WFDC1: variants seen among roughly 807,000 people sequenced by gnomAD.
WFDC1 encodes the protein WAP four-disulfide core domain protein 1.
WFDC1 carries 39 observed loss-of-function variants against 32.9 expected under a neutral mutation model. The observed-to-expected ratio is 1.19, with a 90% CI of 0.92 to 1.55. The LOEUF (loss-of-function observed/expected upper bound fraction) is 1.55, where lower values mean the gene tolerates loss of function less well. Among genes scored for constraint, WFDC1 ranks in the 40% most tolerant of loss-of-function variants. WFDC1 has a pLI of 0.00. For missense variants in WFDC1, 386 were observed against 309.5 expected (o/e 1.25, Z -1.85); for synonymous variants, 184 against 137.4 (o/e 1.34, Z -2.37).
chr16:84,302,370 A>G (rs1340908754), intron 1 of WFDC1, among the ~76,000 whole-genome samples: 9 of 152,114 alleles, frequency 5.9e-5, no homozygotes, highest in African/African-American at 1.4e-4. Context: ...TGCATGTTAT[A>G]TATATTTTAC....
rs1416510287 is a variant in WFDC1 at position 84,319,609 on chromosome 16, C to A, written c.562+38C>A. On this transcript the variant is annotated intron_variant, in intron 4 of 6. Coordinates refer to ENST00000219454, the MANE Select transcript of WFDC1 (RefSeq NM_021197.4). ...CCCCAGCCCTGATCCTGGCTCCTGC[C>A]CCAGTCCCCTTCTCCCTGTAAGCGC... 3.7e-6 allele frequency: 6 copies of A among 1,603,322 alleles called. No homozygotes were observed. In the African/African-American group the frequency reaches 6.7e-5, roughly 18 times the overall value.
chr16:84,299,581 C>G (rs1418287322), intron 1 of WFDC1, among the ~76,000 whole-genome samples: 1 of 152,242 alleles, frequency 6.6e-6, no homozygotes, highest in Non-Finnish European at 1.5e-5. Context: ...AGCGCTTACA[C>G]TGTGTCAGGG....
At chr16:84,322,643 C>T (rs112433810) in intron 4 of WFDC1, among the ~76,000 whole-genome samples, 93 of 152,300 alleles carry the variant, frequency 6.1e-4, no homozygotes, top group Admixed American at 1.0e-3. Flanking sequence ...GCCATCCTCC[C>T]GTAAGAGAGG....
chr16:84,308,868 C>T (rs1016841023), intron 1 of WFDC1, among the ~76,000 whole-genome samples: 17 of 146,820 alleles, frequency 1.2e-4, no homozygotes, highest in South Asian at 6.3e-4. Flanking sequence ...TGGGTGTAGA[C>T]GCCAGCCTGG....
At position 84,313,063 on chromosome 16, in the gene WFDC1, T is replaced by A; in HGVS notation, c.247T>A (p.Cys83Ser). The change falls in exon 2 of 7, where the codon TGT (cysteine) becomes AGT (serine). Residue 83 changes from cysteine (C) to serine (S), a missense_variant. Coordinates refer to ENST00000219454, the MANE Select transcript of WFDC1 (RefSeq NM_021197.4). Reference protein sequence around the residue: ...LPPGACQAARCQADSECPRHR... With the variant: ...LPPGACQAARSQADSECPRHR... ...CCCCGGCGCCTGCCAGGCCGCGCGC[T>A]GTCAGGCGGACTCCGAGTGCCCGCG... 6 of 1,403,748 alleles carry A rather than the reference T, an allele frequency of 4.3e-6. No homozygotes were observed. Among genetic ancestry groups the A allele is most frequent in the Non-Finnish European group, 5.5e-6 (6 of 1,081,426 alleles). The allele number at this position is 1,403,748 out of a possible 1,614,324, so 87.0% of individuals were successfully genotyped here.
intron 2 of WFDC1, among the ~76,000 whole-genome samples, chr16:84,315,466 T>A (rs1907894032): frequency 6.6e-6 from 1 of 152,202 alleles, no homozygotes; most frequent in Non-Finnish European, 1.5e-5. Context: ...CATATAATAC[T>A]CAATAAATAT....
intron 4 of WFDC1, among the ~76,000 whole-genome samples, chr16:84,320,246 C>T (rs544271438): frequency 2.2e-4 from 34 of 152,316 alleles, no homozygotes; most frequent in Middle Eastern, 3.4e-3. Context: ...TTAAGGTAGG[C>T]TCGGCTAAGG....
intron 2 of WFDC1, among the ~76,000 whole-genome samples, chr16:84,313,631 C>G (rs565886279): frequency 1.1e-3 from 173 of 152,250 alleles, no homozygotes; most frequent in Non-Finnish European, 2.1e-3. Flanking sequence ...TGTCCTCTAG[C>G]TTCCCACTCA....
chr16:84,314,799 T>C (rs571710008), intron 2 of WFDC1, among the ~76,000 whole-genome samples: 4 of 152,308 alleles, frequency 2.6e-5, no homozygotes, highest in East Asian at 3.9e-4. Context: ...GGTGGACTTA[T>C]CAAAAATGGT....
intron 2 of WFDC1, 21 bp from the exon 3 acceptor site, chr16:84,318,251 T>A: frequency 6.2e-7 from 1 of 1,613,750 alleles, no homozygotes; most frequent in South Asian, 1.1e-5. Flanking sequence ...AGGGCCCTGA[T>A]CTGACCCCGT....
In WFDC1 at chr16:84,307,607, G is replaced by C. The variant is rs562681661; in HGVS notation, c.145-5354G>C. On this transcript the variant is annotated intron_variant, in intron 1 of 6. Coordinates refer to ENST00000219454, the MANE Select transcript of WFDC1 (RefSeq NM_021197.4). ...AGTCCCAGGACTGGGAGGCATTTGT[G>C]GTGGGTGAAAAGTGTTTTGCTTCTG... 2.0e-4 allele frequency among the ~76,000 whole-genome samples: 30 copies of C among 152,280 alleles called. 1 individual carries two copies. The highest frequency in any genetic ancestry group is 7.0e-4 in the African/African-American group (29 of 41,566).
At chr16:84,316,925 C>G (rs1328944740) in intron 2 of WFDC1, 1 of 151,646 alleles carries the variant, frequency 6.6e-6, no homozygotes, top group Admixed American at 6.6e-5. Flanking sequence ...TTGCAATGAG[C>G]CAAGATTGCG....
intron 1 of WFDC1, among the ~76,000 whole-genome samples, chr16:84,309,853 GT>G (rs1188240330): frequency 2.9e-5 from 2 of 69,800 alleles, no homozygotes; most frequent in African/African-American, 6.4e-5. Flanking sequence ...ACATGTGTGT[GT>G]GGGGGGGGCG....
intron 1 of WFDC1, among the ~76,000 whole-genome samples, chr16:84,308,831 ATGCCAGCCTGG>A (rs1907433503): frequency 8.8e-6 from 1 of 113,886 alleles, no homozygotes; most frequent in Non-Finnish European, 2.0e-5. Flanking sequence ...CTCAGTGTAG[ATGCCAGCCTGG>A]GTGTAGATGC....
At chr16:84,323,165 C>A (rs988366535) in intron 4 of WFDC1, among the ~76,000 whole-genome samples, 1 of 152,124 alleles carries the variant, frequency 6.6e-6, no homozygotes. Flanking sequence ...GATCAGCAGG[C>A]GCTGACCCAC....
chr16:84,297,187 G>C (rs953045164), intron 1 of WFDC1, among the ~76,000 whole-genome samples: 1 of 152,170 alleles, frequency 6.6e-6, no homozygotes, highest in East Asian at 1.9e-4. Context: ...GGCTGCAGGA[G>C]CTGATTCACT....
rs138720488 is a variant in WFDC1 at position 84,305,018 on chromosome 16, G to A, written c.145-7943G>A. On this transcript the variant is annotated intron_variant, in intron 1 of 6. Coordinates refer to ENST00000219454, the MANE Select transcript of WFDC1 (RefSeq NM_021197.4). Reference sequence around the variant, plus strand: ...CATGGAGTAGGACAGACCCAGGTTCGAGTCCTGCCTCTGACTCTTCTCAGC... The same window carrying A: ...CATGGAGTAGGACAGACCCAGGTTCAAGTCCTGCCTCTGACTCTTCTCAGC... 2.5e-3 allele frequency among the ~76,000 whole-genome samples: 375 copies of A among 152,308 alleles called. 1 individual carries two copies. Among genetic ancestry groups the A allele is most frequent in the Non-Finnish European group, 3.0e-3 (201 of 68,026 alleles).
chr16:84,320,602 A>G (rs1908250701), intron 4 of WFDC1, among the ~76,000 whole-genome samples: 1 of 152,244 alleles, frequency 6.6e-6, no homozygotes, highest in African/African-American at 2.4e-5. Context: ...AAGGCAATCA[A>G]GTTGAAAGAC....
At chr16:84,311,651 C>T (rs1204660060) in intron 1 of WFDC1, among the ~76,000 whole-genome samples, 1 of 147,358 alleles carries the variant, frequency 6.8e-6, no homozygotes, top group Non-Finnish European at 1.5e-5. Context: ...GCCTCAGCCT[C>T]CCAAGTACCT....
Sources: gnomAD v4.1 joint callset for allele counts (sites outside exome capture counted in the v4.1 genomes callset) on GRCh38, gnomAD v4.1.1 for gene constraint, MANE v1.5 for transcripts, NCBI Gene and HGNC (gene_info 2026-07-23, HGNC 2026-07-21) for gene names.